The following SIDT1 variants were observed in gnomAD, a reference collection of about 807,000 sequenced individuals.
SIDT1 encodes SID1 transmembrane family, member 1.
A neutral mutation model predicts 107.5 loss-of-function variants in SIDT1; 101 were observed. The observed-to-expected ratio is 0.94, with a 90% CI of 0.80 to 1.11. The LOEUF (loss-of-function observed/expected upper bound fraction) is 1.11. Ranked by LOEUF, SIDT1 falls within the 50% of genes least tolerant of loss-of-function variation. The pLI is 0.00. For synonymous variants in SIDT1, 395 were observed against 398.2 expected, an observed-to-expected ratio of 0.99 and a Z score of 0.10; for missense variants, 1,076 against 1,058.2, an observed-to-expected ratio of 1.02 and a Z score of -0.23.
chr3:113,574,574 C>T (rs1425845939), intron 3 of SIDT1, among the ~76,000 whole-genome samples: 1 of 151,784 alleles, frequency 6.6e-6, no homozygotes, highest in African/African-American at 2.4e-5. Context: ...TCTTTTGTCC[C>T]ATCCCTTTTC....
At chr3:113,563,898 T>TG (rs2107321851) in intron 1 of SIDT1, among the ~76,000 whole-genome samples, 1 of 152,242 alleles carries the variant, frequency 6.6e-6, no homozygotes, top group East Asian at 1.9e-4. Context: ...GACTGAACTG[T>TG]GGTGCAGATA....
chr3:113,577,575 C>A (rs1943001997), intron 4 of SIDT1, among the ~76,000 whole-genome samples: 1 of 152,168 alleles, frequency 6.6e-6, no homozygotes, highest in South Asian at 2.1e-4. Flanking sequence ...AGAATAAATA[C>A]ATGAAAACTT....
chr3:113,617,747 CTT>C (rs1382570974), intron 20 of SIDT1, among the ~76,000 whole-genome samples: 2 of 152,116 alleles, frequency 1.3e-5, no homozygotes, highest in Non-Finnish European at 2.9e-5. Flanking sequence ...TAGAGGCTTC[CTT>C]TTTTAATAGA....
chr3:113,570,735 T>C (rs767281812), intron 3 of SIDT1, among the ~76,000 whole-genome samples: 8 of 152,202 alleles, frequency 5.3e-5, no homozygotes, highest in Non-Finnish European at 8.8e-5. Flanking sequence ...GGCTCAGGCA[T>C]TGAGAGAAAC....
At chr3:113,549,512 A>G (rs1286652314) in intron 1 of SIDT1, among the ~76,000 whole-genome samples, 1 of 152,166 alleles carries the variant, frequency 6.6e-6, no homozygotes, top group Non-Finnish European at 1.5e-5. Context: ...GCAAAACCCA[A>G]TGTTGTTGAT....
intron 10 of SIDT1, among the ~76,000 whole-genome samples, chr3:113,596,887 T>C (rs977994669): frequency 9.9e-5 from 15 of 152,136 alleles, no homozygotes; most frequent in Non-Finnish European, 5.9e-5. Flanking sequence ...AAGAACCAAA[T>C]GGCCAACCCA....
intron 1 of SIDT1, among the ~76,000 whole-genome samples, chr3:113,565,204 T>G (rs1296755477): frequency 1.3e-5 from 2 of 152,202 alleles, no homozygotes; most frequent in Non-Finnish European, 2.9e-5. Context: ...TCTCTTCTAT[T>G]TTGTTCTCTT....
intron 12 of SIDT1, among the ~76,000 whole-genome samples, chr3:113,603,563 A>G (rs530906657): frequency 6.6e-6 from 1 of 152,266 alleles, no homozygotes; most frequent in East Asian, 1.9e-4. Context: ...TATCCAGCAA[A>G]AGATATGAAG....
At position 113,561,606 on chromosome 3, in the gene SIDT1, A is replaced by G. The variant is rs182171373; in HGVS notation, c.223-4814A>G. Among the ~76,000 whole-genome samples, 898 of 152,300 alleles carry G rather than the reference A, an allele frequency of 5.9e-3. 3 individuals carry two copies. The highest frequency in any genetic ancestry group is 8.6e-3 in the Non-Finnish European group (585 of 68,022). On this transcript the variant is annotated intron_variant, in intron 1 of 24. Transcript: ENST00000264852. ...TGGGCAGTTGGCGAGTTGCTGACAA[A>G]TGGAGTTATCCATTAGATGGTTTCT...
At chr3:113,617,796 A>G (rs1199933399) in intron 20 of SIDT1, among the ~76,000 whole-genome samples, 1 of 152,156 alleles carries the variant, frequency 6.6e-6, no homozygotes, top group Non-Finnish European at 1.5e-5. Context: ...CATCCACAGA[A>G]AAATTGAGCA....
intron 6 of SIDT1, 45 bp downstream of exon 6, chr3:113,581,489 A>C (rs754343956): frequency 8.2e-6 from 12 of 1,457,370 alleles, no homozygotes; most frequent in Non-Finnish European, 9.6e-6. Flanking sequence ...GGTAATGCTC[A>C]ATAGATAGTG....
At chr3:113,599,059 G>T (rs1392814197) in intron 10 of SIDT1, among the ~76,000 whole-genome samples, 2 of 152,360 alleles carry the variant, frequency 1.3e-5, no homozygotes, top group East Asian at 3.9e-4. Flanking sequence ...GAACCCGGTG[G>T]TTGAGGCTAC....
downstream of SIDT1, among the ~76,000 whole-genome samples, chr3:113,631,922 AGATT>A (rs1355911249): frequency 6.6e-6 from 1 of 152,202 alleles, no homozygotes; most frequent in Admixed American, 6.5e-5. Flanking sequence ...AAATATCTCT[AGATT>A]AAGAGATTTT....
intron 1 of SIDT1, among the ~76,000 whole-genome samples, chr3:113,551,585 A>G (rs1036539914): frequency 1.3e-5 from 2 of 152,188 alleles, no homozygotes; most frequent in African/African-American, 2.4e-5. Context: ...TGATCATGCA[A>G]TTTAAGACTA....
At chr3:113,593,450 C>T (rs1944324630) in intron 10 of SIDT1, among the ~76,000 whole-genome samples, 2 of 152,150 alleles carry the variant, frequency 1.3e-5, no homozygotes. Context: ...GAATCTAATG[C>T]CATAACCCAT....
intron 9 of SIDT1, among the ~76,000 whole-genome samples, chr3:113,587,744 C>T (rs900411048): frequency 2.6e-5 from 4 of 152,114 alleles, no homozygotes; most frequent in Admixed American, 6.6e-5. Flanking sequence ...AGCAATTTTA[C>T]GAAGAATTCA....
intron 11 of SIDT1, 165 bp from the exon 12 acceptor site, chr3:113,602,840 C>T: frequency 1.7e-6 from 1 of 578,232 alleles, no homozygotes; most frequent in Non-Finnish European, 2.8e-6. Context: ...AATAAAAGTC[C>T]ATTGAGAAGG....
intron 4 of SIDT1, among the ~76,000 whole-genome samples, chr3:113,579,341 G>A (rs1259089207): frequency 1.3e-5 from 2 of 152,082 alleles, no homozygotes; most frequent in African/African-American, 4.8e-5. Flanking sequence ...AGCATATATG[G>A]GAACATATAT....
Position 113,623,697 on chromosome 3 carries a change from C to T in SIDT1, c.2271C>T (p.Ala757=). Reference sequence around the variant, plus strand: ...CCACCGCTGTGATGTGGGCTGCCGCCCTATATTTTTTCTTCCAGAATCTCA... The same window carrying T: ...CCACCGCTGTGATGTGGGCTGCCGCTCTATATTTTTTCTTCCAGAATCTCA... The part of the protein sequence containing the change: ...IVATAVMWAA[A]LYFFFQNLSS... Residue 757 remains alanine, a synonymous_variant, in exon 23 of 25, where the codon GCC becomes GCT. Transcript: ENST00000264852. The T allele has an allele frequency of 6.2e-7, 1 of 1,614,078 alleles. No individual in the cohort carries two copies. The highest frequency in any genetic ancestry group is 8.5e-7 in the Non-Finnish European group (1 of 1,179,980).
Sources: allele counts gnomAD v4.1 joint callset (sites outside exome capture counted in the v4.1 genomes callset), GRCh38; gene constraint gnomAD v4.1.1; transcripts MANE v1.5; gene names NCBI Gene and HGNC (gene_info 2026-07-23, HGNC 2026-07-21).